Variants in SLC9A9 observed in about 807,000 individuals in gnomAD.
SLC9A9 encodes solute carrier family 9 member A9, also known as sodium/hydrogen exchanger 9.
In SLC9A9, 62 loss-of-function variants were observed where a neutral mutation model predicts 77.8. That is an observed-to-expected ratio of 0.80 (90% CI 0.65 to 0.98). The LOEUF is 0.98. SLC9A9 is among the 50% of genes least tolerant of loss of function. The probability of loss-of-function intolerance (pLI) is 0.00; values close to 1 mark genes in which losing one functional copy is unlikely to be tolerated. For missense variants in SLC9A9, 775 were observed against 774.9 expected (o/e 1.00, Z 0.00); for synonymous variants, 320 against 283.5 (o/e 1.13, Z -1.29).
At chr3:143,287,513 G>T (rs1036685216) in intron 14 of SLC9A9, among the ~76,000 whole-genome samples, 9 of 152,102 alleles carry the variant, frequency 5.9e-5, no homozygotes, top group African/African-American at 2.2e-4. Flanking sequence ...TGATTCACAG[G>T]TTACTGAAGC....
chr3:143,831,997 T>C (rs1420844731), intron 2 of SLC9A9, 22 bp downstream of exon 2: 2 of 1,597,216 alleles, frequency 1.3e-6, no homozygotes, highest in Admixed American at 3.4e-5. Context: ...AACAAATATA[T>C]AATACCAGAC....
chr3:143,603,028 A>G lies in SLC9A9; in HGVS notation c.756-24305T>C, dbSNP rs115402395. Among the ~76,000 whole-genome samples the G allele has an allele frequency of 6.2e-3, 948 of 152,346 alleles. 11 individuals carry two copies. The highest frequency in any genetic ancestry group is 0.022 in the African/African-American group (898 of 41,566). ...TCTTGAACACATTCAGGTTTTAAGG[A>G]AACTGTTGACTTTATCAATGTAGAG... On this transcript the variant is annotated intron_variant, in intron 6 of 15. Coordinates refer to ENST00000316549, the MANE Select transcript of SLC9A9 (RefSeq NM_173653.4).
chr3:143,469,644 G>A (rs1286349732), intron 11 of SLC9A9, among the ~76,000 whole-genome samples: 2 of 152,144 alleles, frequency 1.3e-5, no homozygotes, highest in Non-Finnish European at 2.9e-5. Flanking sequence ...TCCATGCTGA[G>A]ACTATTCAAG....
chr3:143,379,740 T>C (rs927770182), intron 13 of SLC9A9, among the ~76,000 whole-genome samples: 2 of 152,210 alleles, frequency 1.3e-5, no homozygotes, highest in African/African-American at 4.8e-5. Context: ...GAATTTAATA[T>C]ATTACCAATT....
At chr3:143,433,469 T>G (rs1325749441) in intron 12 of SLC9A9, among the ~76,000 whole-genome samples, 1 of 152,188 alleles carries the variant, frequency 6.6e-6, no homozygotes, top group Non-Finnish European at 1.5e-5. Flanking sequence ...CATTTTCAGA[T>G]AGAAATGAGT....
At chr3:143,487,951 A>C (rs867369041) in intron 11 of SLC9A9, among the ~76,000 whole-genome samples, 1 of 151,790 alleles carries the variant, frequency 6.6e-6, no homozygotes, top group African/African-American at 2.4e-5. Flanking sequence ...GAAACAAAAA[A>C]TGTTTCTTTG....
chr3:143,283,427 C>T (rs940913563), intron 14 of SLC9A9, among the ~76,000 whole-genome samples: 1 of 152,160 alleles, frequency 6.6e-6, no homozygotes, highest in African/African-American at 2.4e-5. Flanking sequence ...ATCTCACTCC[C>T]CCTGGAAAGC....
intron 10 of SLC9A9, 76 bp from the exon 11 acceptor site, chr3:143,493,840 T>C (rs2035790288): frequency 2.8e-6 from 3 of 1,077,348 alleles, no homozygotes; most frequent in Admixed American, 3.5e-5. Context: ...TTAAATATTA[T>C]GTCCTCAAGC....
intron 5 of SLC9A9, among the ~76,000 whole-genome samples, chr3:143,655,034 T>TG (rs1464951772): frequency 6.6e-6 from 1 of 152,180 alleles, no homozygotes; most frequent in Non-Finnish European, 1.5e-5. Context: ...GTCTACCCTG[T>TG]GAAGAAATGG....
At chr3:143,805,396 A>AC (rs1317151240) in intron 2 of SLC9A9, among the ~76,000 whole-genome samples, 2 of 151,586 alleles carry the variant, frequency 1.3e-5, no homozygotes, top group South Asian at 4.2e-4. Context: ...TCTCCATGCC[A>AC]CCCCCCAAAA....
chr3:143,293,135 A>G (rs1263152041), intron 14 of SLC9A9, among the ~76,000 whole-genome samples: 2 of 152,170 alleles, frequency 1.3e-5, no homozygotes, highest in African/African-American at 4.8e-5. Flanking sequence ...GCTTATATCA[A>G]TTCATAAATA....
intron 8 of SLC9A9, among the ~76,000 whole-genome samples, chr3:143,553,306 G>T (rs1278353465): frequency 6.6e-6 from 1 of 152,150 alleles, no homozygotes; most frequent in Non-Finnish European, 1.5e-5. Context: ...TCCCTGGGCT[G>T]GAGTGGGGAA....
chr3:143,846,205 A>G (rs2009827047), intron 1 of SLC9A9, among the ~76,000 whole-genome samples: 1 of 152,214 alleles, frequency 6.6e-6, no homozygotes, highest in African/African-American at 2.4e-5. Context: ...CCCACCATTG[A>G]ACTTGGTAAA....
At chr3:143,658,093 C>A (rs1470516707) in intron 5 of SLC9A9, among the ~76,000 whole-genome samples, 1 of 152,156 alleles carries the variant, frequency 6.6e-6, no homozygotes, top group Non-Finnish European at 1.5e-5. Context: ...TCTTGAACTC[C>A]TGACCTCAAG....
At chr3:143,788,796 C>T (rs1159126696) in intron 4 of SLC9A9, among the ~76,000 whole-genome samples, 9 of 148,914 alleles carry the variant, frequency 6.0e-5, no homozygotes, top group African/African-American at 2.2e-4. Context: ...AAAATATTTG[C>T]AAAATAAATG....
rs568876124 is a variant in SLC9A9 at position 143,450,782 on chromosome 3, A to C, written c.1469+16255T>G. ...TCAGAATAAACTGCAGCCCACATGGACACAGGCTGCAGTGGAGGCAGCATA... is the reference window on the plus strand; with the variant it reads ...TCAGAATAAACTGCAGCCCACATGGCCACAGGCTGCAGTGGAGGCAGCATA... On this transcript the variant is annotated intron_variant, in intron 12 of 15. Transcript: ENST00000316549. Among the ~76,000 whole-genome samples the C allele has an allele frequency of 3.3e-5, 5 of 152,326 alleles. No homozygotes were observed. In the South Asian group the frequency reaches 1.0e-3, roughly 32 times the overall value.
intron 2 of SLC9A9, among the ~76,000 whole-genome samples, chr3:143,818,338 G>T (rs977505872): frequency 6.6e-6 from 1 of 152,062 alleles, no homozygotes; most frequent in Admixed American, 6.6e-5. Context: ...ACAGAGTCTT[G>T]CTCTGTTGCC....
At chr3:143,763,727 T>C (rs542583708) in intron 4 of SLC9A9, among the ~76,000 whole-genome samples, 2 of 151,506 alleles carry the variant, frequency 1.3e-5, no homozygotes, top group African/African-American at 2.4e-5. Flanking sequence ...TTTTTTTTTT[T>C]CACATTTCTT....
chr3:143,551,585 C>T (rs2036885604), intron 9 of SLC9A9, among the ~76,000 whole-genome samples: 1 of 152,226 alleles, frequency 6.6e-6, no homozygotes, highest in Non-Finnish European at 1.5e-5. Context: ...ATATTTCAAG[C>T]TCCAGGTTGG....
Sources: allele counts gnomAD v4.1 joint callset (sites outside exome capture counted in the v4.1 genomes callset), GRCh38; gene constraint gnomAD v4.1.1; transcripts MANE v1.5; gene names NCBI Gene and HGNC (gene_info 2026-07-23, HGNC 2026-07-21).